FAM120A: variants seen among roughly 807,000 people sequenced by gnomAD.
FAM120A encodes family with sequence similarity 120 member A.
In FAM120A, 15 loss-of-function variants were observed where a neutral mutation model predicts 109.7. The observed-to-expected ratio is 0.14, with a 90% CI of 0.09 to 0.21. The LOEUF (loss-of-function observed/expected upper bound fraction) is 0.21, where lower values mean the gene tolerates loss of function less well. Ranked by LOEUF, FAM120A falls within the 10% of genes least tolerant of loss-of-function variation. FAM120A has a pLI of 1.00. For synonymous variants in FAM120A, 493 were observed against 572.8 expected, an observed-to-expected ratio of 0.86 and a Z score of 1.99; for missense variants, 899 against 1,439.3, an observed-to-expected ratio of 0.62 and a Z score of 6.07.
intron 10 of FAM120A, among the ~76,000 whole-genome samples, chr9:93,533,944 G>A (rs529418466): frequency 6.6e-5 from 10 of 152,342 alleles, no homozygotes; most frequent in African/African-American, 2.2e-4. Flanking sequence ...AGGTTGAATA[G>A]GAACAGGCTT....
chr9:93,522,691 G>T (rs1056886201), intron 7 of FAM120A, among the ~76,000 whole-genome samples: 5 of 152,160 alleles, frequency 3.3e-5, no homozygotes, highest in African/African-American at 1.2e-4. Flanking sequence ...TCATTTTCTT[G>T]AGAACTTATG....
At chr9:93,485,377 C>T (rs1249971318) in intron 3 of FAM120A, among the ~76,000 whole-genome samples, 1 of 152,036 alleles carries the variant, frequency 6.6e-6, no homozygotes, top group African/African-American at 2.4e-5. Flanking sequence ...GGGAAGATCA[C>T]TTGAGTTCAG....
At chr9:93,533,204 G>T in intron 10 of FAM120A, among the ~76,000 whole-genome samples, 1 of 152,192 alleles carries the variant, frequency 6.6e-6, no homozygotes, top group East Asian at 1.9e-4. Context: ...TGTGTGGTGG[G>T]TCAATGCAGT....
intron 1 of FAM120A, chr9:93,453,174 G>A (rs1238742272): frequency 2.0e-6 from 2 of 1,001,370 alleles, no homozygotes; most frequent in Non-Finnish European, 2.4e-6. Context: ...CGAACTACGC[G>A]GGCGTGAACT....
In FAM120A at chr9:93,543,350, G is replaced by A. The variant is rs917291673; in HGVS notation, c.2038G>A (p.Ala680Thr). Residue 680 changes from alanine to threonine, a missense_variant, in exon 11 of 18, where the codon GCG becomes ACG. Transcript: ENST00000277165. The stretch of plus-strand genomic sequence containing the variant: ...CCTGAAGAGGCTGTGGTTGGGTAAG[G>A]CGGTAGAGGACAAGAACCGCAGGAT... ...PNLKRLWLGK[A>T]VEDKNRRMRA... 6.2e-7 allele frequency: 1 copy of A among 1,614,172 alleles called. No homozygotes were observed. The highest frequency in any genetic ancestry group is 2.2e-5 in the East Asian group (1 of 44,886).
intron 17 of FAM120A, among the ~76,000 whole-genome samples, chr9:93,562,592 C>T (rs925554540): frequency 6.6e-6 from 1 of 152,064 alleles, no homozygotes; most frequent in Admixed American, 6.5e-5. Context: ...CTTGGCTTAC[C>T]TTGGGCATTG....
chr9:93,465,475 C>T (rs891524987), intron 1 of FAM120A, among the ~76,000 whole-genome samples: 11 of 152,074 alleles, frequency 7.2e-5, no homozygotes, highest in African/African-American at 2.7e-4. Flanking sequence ...GCCTTTAGGC[C>T]AGGATTTATT....
chr9:93,483,076 G>A (rs1177283138), intron 3 of FAM120A, among the ~76,000 whole-genome samples: 1 of 152,180 alleles, frequency 6.6e-6, no homozygotes, highest in Non-Finnish European at 1.5e-5. Flanking sequence ...AAAAAATTAA[G>A]TTGGGTATAA....
intron 3 of FAM120A, among the ~76,000 whole-genome samples, chr9:93,490,349 G>A (rs377486217): frequency 6.6e-6 from 1 of 152,176 alleles, no homozygotes; most frequent in Non-Finnish European, 1.5e-5. Context: ...GTTTTGTATG[G>A]TATATTTAAT....
intron 2 of FAM120A, among the ~76,000 whole-genome samples, chr9:93,474,313 G>C (rs555835918): frequency 2.6e-5 from 4 of 151,818 alleles, no homozygotes; most frequent in African/African-American, 9.7e-5. Context: ...TCAGCCTCCC[G>C]AGTAGCTGGG....
At chr9:93,518,679 G>A (rs762845583) in intron 7 of FAM120A, among the ~76,000 whole-genome samples, 11 of 152,208 alleles carry the variant, frequency 7.2e-5, no homozygotes, top group Non-Finnish European at 1.5e-4. Context: ...TGCCGAGAGT[G>A]AGGAGCGGGG....
intron 3 of FAM120A, among the ~76,000 whole-genome samples, chr9:93,495,203 G>A (rs969722610): frequency 6.6e-6 from 1 of 152,138 alleles, no homozygotes; most frequent in East Asian, 1.9e-4. Context: ...CCTGTGGAGG[G>A]TACCATCTCT....
At chr9:93,526,698 C>T (rs1005127639) in intron 7 of FAM120A, among the ~76,000 whole-genome samples, 1 of 152,230 alleles carries the variant, frequency 6.6e-6, no homozygotes, top group African/African-American at 2.4e-5. Context: ...CATGAATAGG[C>T]TGGAGCGCCC....
chr9:93,500,952 C>T lies in FAM120A; in HGVS notation c.1030+2066C>T, dbSNP rs758587568. ...GTATGTAAGGTGCTTTAGTGAAGTA[C>T]TTGTTCAGTCATTCAATGCCCTTTT... On this transcript the variant is annotated intron_variant, in intron 5 of 17. Coordinates refer to ENST00000277165, the MANE Select transcript of FAM120A (RefSeq NM_014612.5). The surrounding 1 kb of genome is among the most constrained non-coding windows in gnomAD (Gnocchi z 4.6). Among the ~76,000 whole-genome samples the T allele has an allele frequency of 1.3e-5, 2 of 152,200 alleles. No individual in the cohort carries two copies. Among genetic ancestry groups the T allele is most frequent in the Non-Finnish European group, 2.9e-5 (2 of 68,032 alleles).
In FAM120A at chr9:93,564,775, T is replaced by TTTGA. The variant is rs1485189816; in HGVS notation, c.*236_*239dup. 2.5e-5 allele frequency: 11 copies of TTTGA among 434,504 alleles called. 1 individual carries two copies. The highest frequency in any genetic ancestry group is 4.1e-5 in the Non-Finnish European group (10 of 246,568). The allele number at this position is 434,504 out of a possible 1,614,324, so 26.9% of individuals were successfully genotyped here. On this transcript the variant is annotated 3_prime_UTR_variant, in exon 18 of 18. Coordinates refer to ENST00000277165, the MANE Select transcript of FAM120A (RefSeq NM_014612.5). ...AAAAAGAGAAAGAAAATGAAGAGCA[T>TTTGA]TTGACTCCCGCACTTAAAATGAAGT...
intron 10 of FAM120A, among the ~76,000 whole-genome samples, chr9:93,534,490 G>A (rs994082311): frequency 2.0e-5 from 3 of 152,128 alleles, no homozygotes; most frequent in African/African-American, 4.8e-5. Context: ...GAGGAGGAAA[G>A]GGACACAGGA....
chr9:93,460,675 T>C (rs1047738406), intron 1 of FAM120A, among the ~76,000 whole-genome samples: 1 of 152,186 alleles, frequency 6.6e-6, no homozygotes, highest in East Asian at 1.9e-4. Context: ...GAAGTAAATC[T>C]GATGAAGACC....
intron 12 of FAM120A, among the ~76,000 whole-genome samples, chr9:93,553,105 T>G (rs1862160945): frequency 6.6e-6 from 1 of 152,236 alleles, no homozygotes; most frequent in African/African-American, 2.4e-5. Flanking sequence ...ATGTGGCTCC[T>G]TAAATACCTG....
rs56025666 is a variant in FAM120A, at chr9:93,498,292, C to T, written c.934-498C>T. ...CCTGTAATGCCAGCTACTCGGGATG[C>T]TGAGGCAGGAGAATCGCTTGAAACC... On this transcript the variant is annotated intron_variant, in intron 4 of 17. Transcript: ENST00000277165. The surrounding 1 kb of genome is among the most constrained non-coding windows in gnomAD (Gnocchi z 4.4). Among the ~76,000 whole-genome samples the T allele has an allele frequency of 0.077, 11,685 of 152,248 alleles. 580 individuals are homozygous for T. Among genetic ancestry groups the T allele is most frequent in the Non-Finnish European group, 0.1 (7,098 of 67,986 alleles).
Sources: gnomAD v4.1 joint callset for allele counts (sites outside exome capture counted in the v4.1 genomes callset) on GRCh38, gnomAD v4.1.1 for gene constraint, Gnocchi (gnomAD v3.1) non-coding constraint, MANE v1.5 for transcripts, NCBI Gene and HGNC (gene_info 2026-07-23, HGNC 2026-07-21) for gene names.